The following FTCDNL1 variants were observed in gnomAD, a reference collection of about 807,000 sequenced individuals.
The protein encoded by FTCDNL1 is formiminotransferase N-terminal subdomain-containing protein.
Under a neutral mutation model 5.9 loss-of-function variants are expected in FTCDNL1, and 11 were observed. The observed-to-expected ratio is 1.87, with a 90% CI of 1.18 to 3.10. The LOEUF is 3.10. FTCDNL1 is among the 30% of genes most tolerant of loss of function. The pLI, the probability that FTCDNL1 is intolerant of heterozygous loss-of-function variation, is 0.00. For missense variants in FTCDNL1, 115 were observed against 65.5 expected, an observed-to-expected ratio of 1.76 and a Z score of -2.61; for synonymous variants, 58 against 24.8, an observed-to-expected ratio of 2.34 and a Z score of -3.99.
intron 3 of FTCDNL1, among the ~76,000 whole-genome samples, chr2:199,765,260 T>G (rs1698459678): frequency 6.6e-6 from 1 of 151,972 alleles, no homozygotes; most frequent in African/African-American, 2.4e-5. Context: ...GACATGATAA[T>G]GTGTCAATGT....
chr2:199,713,087 T>C, the FTCDNL1 span, among the ~76,000 whole-genome samples: 3 of 152,216 alleles, frequency 2.0e-5, no homozygotes, highest in African/African-American at 7.2e-5. Context: ...CAAATGTGTT[T>C]AGAATTCTTC....
intron 3 of FTCDNL1, among the ~76,000 whole-genome samples, chr2:199,835,724 C>T (rs569462896): frequency 4.1e-4 from 62 of 152,270 alleles, no homozygotes; most frequent in Admixed American, 7.8e-4. Flanking sequence ...GGGGCCTGAG[C>T]TCAAAAATAC....
the FTCDNL1 span, among the ~76,000 whole-genome samples, chr2:199,668,104 AGTT>A: frequency 6.6e-6 from 1 of 152,210 alleles, no homozygotes; most frequent in Admixed American, 6.5e-5. Flanking sequence ...ATGCTTTCAC[AGTT>A]GTTGTTTTAA....
At chr2:199,789,095 A>T (rs1029307909) in intron 3 of FTCDNL1, among the ~76,000 whole-genome samples, 1 of 152,060 alleles carries the variant, frequency 6.6e-6, no homozygotes, top group African/African-American at 2.4e-5. Context: ...ACTTACTTAA[A>T]TTATTCCAGA....
the FTCDNL1 span, among the ~76,000 whole-genome samples, chr2:199,670,363 G>A: frequency 6.6e-6 from 1 of 152,148 alleles, no homozygotes; most frequent in Non-Finnish European, 1.5e-5. Flanking sequence ...GCATTTACCT[G>A]CTGTCACTTT....
At chr2:199,806,039 C>T (rs545205997), downstream of FTCDNL1, among the ~76,000 whole-genome samples, 4 of 152,110 alleles carry the variant, frequency 2.6e-5, no homozygotes, top group Non-Finnish European at 5.9e-5. Context: ...CACATCTTAA[C>T]TCACAATACA....
chr2:199,753,366 G>A, the FTCDNL1 span, among the ~76,000 whole-genome samples: 21 of 152,214 alleles, frequency 1.4e-4, no homozygotes, highest in Admixed American at 9.8e-4. Flanking sequence ...AGGGGACAGC[G>A]GACAGGCACA....
chr2:199,760,294 CAGAG>C (rs1333510011), downstream of FTCDNL1, among the ~76,000 whole-genome samples: 3 of 150,944 alleles, frequency 2.0e-5, no homozygotes, highest in African/African-American at 4.9e-5. Context: ...TTTCCCATAA[CAGAG>C]AGAAAGTTCT....
chr2:199,807,682 T>C (rs559596561), downstream of FTCDNL1, among the ~76,000 whole-genome samples: 78 of 152,314 alleles, frequency 5.1e-4, no homozygotes, highest in South Asian at 5.0e-3. Context: ...AAATTTTTGC[T>C]TTTTAATGGA....
intron 3 of FTCDNL1, among the ~76,000 whole-genome samples, chr2:199,840,474 TTGTGTGAGTGTG>T (rs1235813708): frequency 6.6e-6 from 1 of 151,794 alleles, no homozygotes; most frequent in East Asian, 1.9e-4. Flanking sequence ...GTGTCTGTGT[TTGTGTGAGTGTG>T]TGTGTGTTAG....
intron 3 of FTCDNL1, among the ~76,000 whole-genome samples, chr2:199,832,097 G>A (rs568594568): frequency 1.3e-5 from 2 of 152,114 alleles, no homozygotes; most frequent in Non-Finnish European, 2.9e-5. Flanking sequence ...ATCCAAGAAG[G>A]TTGTTATTTC....
chr2:199,764,825 ACCC>A (rs1698435758), intron 3 of FTCDNL1, among the ~76,000 whole-genome samples: 1 of 152,044 alleles, frequency 6.6e-6, no homozygotes, highest in Admixed American at 6.5e-5. Context: ...ACCTTCCAAG[ACCC>A]TGTGTCATGT....
chr2:199,752,766 GTGTGTGTGTGTGTGTA>G, the FTCDNL1 span, among the ~76,000 whole-genome samples: 348 of 148,484 alleles, frequency 2.3e-3, no homozygotes, highest in Middle Eastern at 3.5e-3. Context: ...GTGTGTGTGT[GTGTGTGTGTGTGTGTA>G]TGTGTGTGTG....
the FTCDNL1 span, among the ~76,000 whole-genome samples, chr2:199,680,260 T>C: frequency 6.6e-6 from 1 of 152,214 alleles, no homozygotes; most frequent in Non-Finnish European, 1.5e-5. Context: ...TGTAATGTGA[T>C]AGTTTAAAAA....
downstream of FTCDNL1, among the ~76,000 whole-genome samples, chr2:199,806,368 G>C (rs1470743186): frequency 6.6e-6 from 1 of 152,188 alleles, no homozygotes; most frequent in East Asian, 1.9e-4. Context: ...AAACAACAGA[G>C]TCAAATAAAT....
At chr2:199,825,400 C>G (rs890395334) in intron 3 of FTCDNL1, among the ~76,000 whole-genome samples, 2 of 152,104 alleles carry the variant, frequency 1.3e-5, no homozygotes, top group African/African-American at 4.8e-5. Flanking sequence ...GTCAGGGATA[C>G]AGTCAACTGA....
the FTCDNL1 span, among the ~76,000 whole-genome samples, chr2:199,725,177 C>A: frequency 6.6e-6 from 1 of 152,114 alleles, no homozygotes; most frequent in Admixed American, 6.5e-5. Flanking sequence ...GGTTTAAAGT[C>A]TGTTTTGTCA....
chr2:199,739,308 C>T, the FTCDNL1 span, among the ~76,000 whole-genome samples: 742 of 152,278 alleles, frequency 4.9e-3, 7 homozygotes, highest in Admixed American at 0.021. Flanking sequence ...TCGGGGTGCT[C>T]TTATCAACAG....
chr2:199,824,752 T>C (rs1055190013), intron 3 of FTCDNL1, among the ~76,000 whole-genome samples: 1 of 152,102 alleles, frequency 6.6e-6, no homozygotes, highest in Non-Finnish European at 1.5e-5. Flanking sequence ...GATGAAGCAG[T>C]TGGAATAACA....
Sources: gnomAD v4.1 joint callset for allele counts (sites outside exome capture counted in the v4.1 genomes callset) on GRCh38, gnomAD v4.1.1 for gene constraint, MANE v1.5 for transcripts, NCBI Gene and HGNC (gene_info 2026-07-23, HGNC 2026-07-21) for gene names.